ADAM2: variants seen among roughly 807,000 people sequenced by gnomAD.
The protein encoded by ADAM2 is ADAM metallopeptidase domain 2.
In ADAM2, 101 loss-of-function variants were observed where a neutral mutation model predicts 99.3. That is an observed-to-expected ratio of 1.02 (90% confidence interval 0.87 to 1.20). ADAM2 has a LOEUF of 1.20. Among genes scored for constraint, ADAM2 ranks in the 50% most tolerant of loss-of-function variants. The pLI is 0.00. For synonymous variants in ADAM2, 323 were observed against 287.6 expected, an observed-to-expected ratio of 1.12 and a Z score of -1.25; for missense variants, 948 against 878.7, an observed-to-expected ratio of 1.08 and a Z score of -1.00.
At chr8:39,833,480 G>A (rs1247880328) in intron 3 of ADAM2, among the ~76,000 whole-genome samples, 1 of 151,734 alleles carries the variant, frequency 6.6e-6, no homozygotes, top group Non-Finnish European at 1.5e-5. Context: ...TCATCAACTG[G>A]CCTGAGATTG....
chr8:39,793,483 T>C (rs901867475), intron 7 of ADAM2, among the ~76,000 whole-genome samples: 1 of 152,152 alleles, frequency 6.6e-6, no homozygotes, highest in African/African-American at 2.4e-5. Flanking sequence ...GAGAATTTTT[T>C]AAGCTAGAAG....
intron 7 of ADAM2, among the ~76,000 whole-genome samples, chr8:39,801,913 C>T (rs904856652): frequency 6.6e-6 from 1 of 152,142 alleles, no homozygotes; most frequent in African/African-American, 2.4e-5. Flanking sequence ...TGGGTGCCGC[C>T]CTTCCCCCGC....
intron 7 of ADAM2, 127 bp downstream of exon 7, chr8:39,809,283 T>TA: frequency 1.8e-6 from 1 of 557,804 alleles, no homozygotes; most frequent in East Asian, 3.3e-5. Flanking sequence ...ATTAATAATT[T>TA]AAAGTGCATT....
chr8:39,768,732 G>T (rs1443542085), intron 12 of ADAM2, among the ~76,000 whole-genome samples: 1 of 152,134 alleles, frequency 6.6e-6, no homozygotes, highest in South Asian at 2.1e-4. Context: ...GGAAAAGATT[G>T]AACCTACATC....
rs1212667457 is a variant in ADAM2, at chr8:39,837,205, A to G, written c.63T>C (p.Asp21=). ...LGGLRMDSNF[D]SLPVQITVPE... is the part of the protein sequence containing the mutation. ...GAACTGTAATTTGCACAGGTAAACTATCAAAATCTGCAAAATGTGCAAAAT... is the reference window on the plus strand; with the variant it reads ...GAACTGTAATTTGCACAGGTAAACTGTCAAAATCTGCAAAATGTGCAAAAT... The change falls in exon 2 of 21, where the codon GAT becomes GAC. Residue 21 remains aspartate, a synonymous_variant. Transcript: ENST00000265708. The G allele has an allele frequency of 2.5e-6, 4 of 1,606,104 alleles. No individual in the cohort carries two copies. The highest frequency in any genetic ancestry group is 3.4e-6 in the Non-Finnish European group (4 of 1,175,410).
At chr8:39,837,456 T>G in intron 1 of ADAM2, among the ~76,000 whole-genome samples, 1 of 151,962 alleles carries the variant, frequency 6.6e-6, no homozygotes, top group Admixed American at 6.5e-5. Flanking sequence ...GTGAGATCTC[T>G]GCTCACTGCA....
intron 7 of ADAM2, 114 bp downstream of exon 7, chr8:39,809,296 T>A (rs999115074): frequency 3.3e-6 from 2 of 601,208 alleles, no homozygotes; most frequent in Non-Finnish European, 5.9e-6. Flanking sequence ...AGTGCATTAA[T>A]GCAGAGCTAA....
intron 2 of ADAM2, among the ~76,000 whole-genome samples, chr8:39,834,651 T>C (rs1330558636): frequency 2.1e-5 from 3 of 145,104 alleles, no homozygotes. Flanking sequence ...GGAGAATCAC[T>C]TGAACCTTGG....
intron 7 of ADAM2, among the ~76,000 whole-genome samples, chr8:39,801,277 T>C (rs1243802471): frequency 1.3e-5 from 2 of 152,178 alleles, no homozygotes. Context: ...CCCTCTTCTG[T>C]AGGGCTGCTG....
intron 7 of ADAM2, among the ~76,000 whole-genome samples, chr8:39,801,854 A>G (rs1430976111): frequency 6.6e-6 from 1 of 152,196 alleles, no homozygotes; most frequent in Non-Finnish European, 1.5e-5. Flanking sequence ...CAAGCCATCC[A>G]GCCTTCCTGG....
At chr8:39,785,214 A>G (rs1314087598) in intron 10 of ADAM2, among the ~76,000 whole-genome samples, 3 of 152,166 alleles carry the variant, frequency 2.0e-5, no homozygotes, top group African/African-American at 7.2e-5. Context: ...ATCCATCTTG[A>G]GTTAATTTTT....
chr8:39,770,227 G>A (rs1010562935), intron 11 of ADAM2, among the ~76,000 whole-genome samples: 3 of 152,124 alleles, frequency 2.0e-5, no homozygotes, highest in Admixed American at 2.0e-4. Context: ...GATTACAGGC[G>A]TGAGCCAACG....
chr8:39,800,531 T>C (rs550615155), intron 7 of ADAM2, among the ~76,000 whole-genome samples: 2 of 152,306 alleles, frequency 1.3e-5, no homozygotes, highest in East Asian at 3.9e-4. Flanking sequence ...TGGTGTACTT[T>C]AACAGTGTTC....
intron 3 of ADAM2, among the ~76,000 whole-genome samples, chr8:39,829,697 A>G (rs768426632): frequency 1.3e-5 from 2 of 152,024 alleles, no homozygotes; most frequent in Non-Finnish European, 2.9e-5. Flanking sequence ...CCAAAATAAT[A>G]TACATTTTAA....
intron 12 of ADAM2, 71 bp from the exon 13 acceptor site, chr8:39,767,322 G>A: frequency 1.5e-6 from 2 of 1,295,036 alleles, no homozygotes; most frequent in Non-Finnish European, 2.2e-6. Context: ...TGTTCATAAA[G>A]ACAACATATT....
chr8:39,783,468 C>A (rs1367251983), intron 10 of ADAM2, among the ~76,000 whole-genome samples: 6 of 151,862 alleles, frequency 4.0e-5, no homozygotes, highest in African/African-American at 9.7e-5. Context: ...TGCTATCTTC[C>A]CCTTCATCAT....
intron 3 of ADAM2, 97 bp downstream of exon 3, chr8:39,833,847 A>G (rs772119905): frequency 3.9e-5 from 29 of 739,736 alleles, no homozygotes; most frequent in Non-Finnish European, 6.1e-5. Flanking sequence ...AGAAGCTAGA[A>G]ATATTTTCAA....
chr8:39,833,516 T>A (rs151082207), intron 3 of ADAM2, among the ~76,000 whole-genome samples: 3 of 152,278 alleles, frequency 2.0e-5, no homozygotes, highest in African/African-American at 7.2e-5. Context: ...AAATTTTATT[T>A]AATTTTAACT....
intron 10 of ADAM2, among the ~76,000 whole-genome samples, chr8:39,778,299 C>G (rs1803080379): frequency 6.6e-6 from 1 of 151,946 alleles, no homozygotes; most frequent in Non-Finnish European, 1.5e-5. Context: ...ACCTTGCCCT[C>G]CACCCCAAAA....
Sources: allele counts gnomAD v4.1 joint callset (sites outside exome capture counted in the v4.1 genomes callset), GRCh38; gene constraint gnomAD v4.1.1; transcripts MANE v1.5; gene names NCBI Gene and HGNC (gene_info 2026-07-23, HGNC 2026-07-21).